Variants in NSMCE2 observed in about 807,000 individuals in gnomAD.
NSMCE2 encodes NSE2 SUMO ligase component of SMC5/6 complex.
NSMCE2 carries 24 observed loss-of-function variants against 23.8 expected under a neutral mutation model. The observed-to-expected ratio is 1.01, with a 90% CI of 0.73 to 1.42. The LOEUF (loss-of-function observed/expected upper bound fraction) is 1.42. NSMCE2 is among the 40% of genes most tolerant of loss of function. The pLI is 0.00. For missense variants in NSMCE2, 284 were observed against 296.5 expected (o/e 0.96, Z 0.31); for synonymous variants, 92 against 94.1 (o/e 0.98, Z 0.13).
At chr8:125,109,287 C>T (rs1278709224) in intron 3 of NSMCE2, among the ~76,000 whole-genome samples, 8 of 152,060 alleles carry the variant, frequency 5.3e-5, no homozygotes, top group Non-Finnish European at 1.0e-4. Context: ...TGGGGATTAG[C>T]GAGATAATAT....
intron 5 of NSMCE2, among the ~76,000 whole-genome samples, chr8:125,282,446 T>C (rs1827732512): frequency 6.6e-6 from 1 of 152,220 alleles, no homozygotes; most frequent in African/African-American, 2.4e-5. Flanking sequence ...TAGCTATTGA[T>C]TGAAATTTGA....
chr8:125,142,356 T>C (rs971877400), intron 3 of NSMCE2, among the ~76,000 whole-genome samples: 1 of 152,210 alleles, frequency 6.6e-6, no homozygotes, highest in Non-Finnish European at 1.5e-5. Flanking sequence ...AAGCCTAGAT[T>C]TGAATGAAGT....
At chr8:125,103,535 A>G (rs2130369901) in intron 3 of NSMCE2, among the ~76,000 whole-genome samples, 1 of 152,142 alleles carries the variant, frequency 6.6e-6, no homozygotes, top group Middle Eastern at 3.4e-3. Context: ...ATTTGGAAAA[A>G]TTTCTGCTAC....
At chr8:125,188,704 G>T (rs1288673552) in intron 5 of NSMCE2, among the ~76,000 whole-genome samples, 2 of 152,164 alleles carry the variant, frequency 1.3e-5, no homozygotes, top group African/African-American at 2.4e-5. Context: ...GTTAATTTGT[G>T]ATGTCTTCAG....
chr8:125,157,146 T>C (rs1363764438), intron 4 of NSMCE2, among the ~76,000 whole-genome samples: 4 of 152,148 alleles, frequency 2.6e-5, no homozygotes. Context: ...GGGAAATTCG[T>C]TCGGTGGCTA....
intron 5 of NSMCE2, among the ~76,000 whole-genome samples, chr8:125,268,374 G>A (rs558850046): frequency 8.6e-4 from 131 of 152,124 alleles, no homozygotes; most frequent in Non-Finnish European, 1.5e-3. Context: ...GAAGGAGAAA[G>A]AAGTTAAAAA....
intron 5 of NSMCE2, among the ~76,000 whole-genome samples, chr8:125,184,686 T>G (rs937612342): frequency 5.9e-5 from 9 of 152,156 alleles, no homozygotes; most frequent in African/African-American, 1.9e-4. Context: ...AATATAATAC[T>G]TGTATTATAC....
chr8:125,351,223 G>A (rs1321015618), intron 5 of NSMCE2, among the ~76,000 whole-genome samples: 1 of 151,978 alleles, frequency 6.6e-6, no homozygotes, highest in East Asian at 1.9e-4. Flanking sequence ...TACATCTTGG[G>A]GTCCAATCAA....
At chr8:125,254,581 T>A (rs1826330506) in intron 5 of NSMCE2, among the ~76,000 whole-genome samples, 1 of 151,802 alleles carries the variant, frequency 6.6e-6, no homozygotes. Flanking sequence ...GTTCTTTGCT[T>A]TTTCTTTTAT....
chr8:125,287,828 C>A (rs545143188), intron 5 of NSMCE2, among the ~76,000 whole-genome samples: 1 of 152,298 alleles, frequency 6.6e-6, no homozygotes, highest in South Asian at 2.1e-4. Context: ...CAGAATATCT[C>A]CAGTGACCTG....
chr8:125,357,558 A>G (rs1813338148), intron 6 of NSMCE2, among the ~76,000 whole-genome samples, 154 bp from the exon 7 acceptor site: 2 of 152,244 alleles, frequency 1.3e-5, no homozygotes, highest in Non-Finnish European at 2.9e-5. Flanking sequence ...CAGTACTGCC[A>G]CTGGATTCCC....
At chr8:125,171,180 A>G (rs561893049) in intron 4 of NSMCE2, among the ~76,000 whole-genome samples, 12 of 152,220 alleles carry the variant, frequency 7.9e-5, no homozygotes, top group South Asian at 2.1e-4. Flanking sequence ...ACTCTGCTCA[A>G]TTGTTCTCCA....
chr8:125,213,870 A>G (rs907811433), intron 5 of NSMCE2, among the ~76,000 whole-genome samples: 4 of 151,960 alleles, frequency 2.6e-5, no homozygotes, highest in East Asian at 1.9e-4. Context: ...GTGCCTTTCT[A>G]TTAGTCACTA....
At chr8:125,311,230 A>G (rs73704925) in intron 5 of NSMCE2, among the ~76,000 whole-genome samples, 25 of 152,338 alleles carry the variant, frequency 1.6e-4, no homozygotes, top group African/African-American at 6.0e-4. Flanking sequence ...AAGAATAGAA[A>G]CCATGAAGAA....
At chr8:125,103,541 G>C (rs1362742541) in intron 3 of NSMCE2, among the ~76,000 whole-genome samples, 1 of 152,050 alleles carries the variant, frequency 6.6e-6, no homozygotes, top group East Asian at 1.9e-4. Flanking sequence ...AAAAATTTCT[G>C]CTACTATTTC....
chr8:125,175,207 G>A (rs1822424095), intron 4 of NSMCE2, among the ~76,000 whole-genome samples: 1 of 152,074 alleles, frequency 6.6e-6, no homozygotes, highest in African/African-American at 2.4e-5. Flanking sequence ...TTGGTGGTGT[G>A]TCATTAAGTG....
chr8:125,277,452 T>C (rs1307451922), intron 5 of NSMCE2, among the ~76,000 whole-genome samples: 3 of 152,020 alleles, frequency 2.0e-5, no homozygotes, highest in Admixed American at 6.6e-5. Flanking sequence ...AGGCACAGGA[T>C]TGAATATAAG....
At chr8:125,150,959 T>G (rs1020200667) in intron 3 of NSMCE2, among the ~76,000 whole-genome samples, 2 of 152,206 alleles carry the variant, frequency 1.3e-5, no homozygotes, top group Non-Finnish European at 2.9e-5. Context: ...CTACTGAGTG[T>G]ATTCTTAGAA....
intron 5 of NSMCE2, among the ~76,000 whole-genome samples, chr8:125,220,949 G>A (rs1378233141): frequency 5.9e-5 from 9 of 152,130 alleles, no homozygotes; most frequent in Admixed American, 5.9e-4. Flanking sequence ...TCTAACTTGG[G>A]CCCTGTGTGT....
Sources: gnomAD v4.1 joint callset for allele counts (sites outside exome capture counted in the v4.1 genomes callset) on GRCh38, gnomAD v4.1.1 for gene constraint, MANE v1.5 for transcripts, NCBI Gene and HGNC (gene_info 2026-07-23, HGNC 2026-07-21) for gene names.